ANKFN1: variants seen among roughly 807,000 people sequenced by gnomAD.
ANKFN1 encodes the protein ankyrin repeat and fibronectin type III domain containing 1.
ANKFN1 carries 74 observed loss-of-function variants against 108.7 expected under a neutral mutation model. The ratio of observed to expected loss-of-function variants is 0.68; its 90% confidence interval spans 0.56 to 0.83. ANKFN1 has a LOEUF of 0.83. ANKFN1 is among the 40% of genes least tolerant of loss of function. The probability of loss-of-function intolerance (pLI) is 0.00; values close to 1 mark genes in which losing one functional copy is unlikely to be tolerated. For synonymous variants in ANKFN1, 547 were observed against 516.2 expected, an observed-to-expected ratio of 1.06 and a Z score of -0.81; for missense variants, 1,505 against 1,382.3, an observed-to-expected ratio of 1.09 and a Z score of -1.41.
chr17:56,255,256 G>A (rs572611974), intron 3 of ANKFN1, among the ~76,000 whole-genome samples: 7 of 152,330 alleles, frequency 4.6e-5, no homozygotes, highest in African/African-American at 9.6e-5. Context: ...ATACTGGAGG[G>A]AAGATTGGTG....
chr17:56,094,147 G>A (rs1905471621), intron 4 of ANKFN1, among the ~76,000 whole-genome samples: 3 of 150,964 alleles, frequency 2.0e-5, no homozygotes, highest in Admixed American at 2.0e-4. Flanking sequence ...GACAGGAGAG[G>A]GGCATGGAAC....
At chr17:56,409,330 T>C (rs144554575) in intron 8 of ANKFN1, among the ~76,000 whole-genome samples, 84 of 152,336 alleles carry the variant, frequency 5.5e-4, no homozygotes, top group African/African-American at 1.7e-3. Flanking sequence ...TGGGACTGTT[T>C]GCACTTACAG....
At chr17:56,386,732 A>G (rs2047286862) in intron 8 of ANKFN1, among the ~76,000 whole-genome samples, 1 of 151,848 alleles carries the variant, frequency 6.6e-6, no homozygotes, top group Non-Finnish European at 1.5e-5. Context: ...GAGAGTTTCT[A>G]TCTGTCTCTC....
intron 16 of ANKFN1, among the ~76,000 whole-genome samples, chr17:56,479,363 A>C (rs114381012): frequency 6.6e-6 from 1 of 152,212 alleles, no homozygotes; most frequent in African/African-American, 2.4e-5. Flanking sequence ...TTATGCGTGC[A>C]TATGCTAGTC....
At chr17:56,080,512 T>C (rs952627657) in intron 4 of ANKFN1, among the ~76,000 whole-genome samples, 6 of 152,228 alleles carry the variant, frequency 3.9e-5, no homozygotes, top group Admixed American at 6.5e-5. Context: ...AGATAATCGT[T>C]GAGTGGCACA....
chr17:56,086,152 G>A (rs4556851), intron 4 of ANKFN1, among the ~76,000 whole-genome samples: 10,785 of 150,986 alleles, frequency 0.071, 1,487 homozygotes, highest in African/African-American at 0.25. Flanking sequence ...CACACCTGTA[G>A]TCCTAGCACT....
chr17:56,280,008 CTTTTTTT>C (rs3086033), intron 3 of ANKFN1, among the ~76,000 whole-genome samples: 1 of 134,860 alleles, frequency 7.4e-6, no homozygotes, highest in Non-Finnish European at 1.6e-5. Context: ...CACATAATGT[CTTTTTTT>C]TTTTTTTTTC....
chr17:56,149,021 G>C (rs189581366), upstream of ANKFN1, among the ~76,000 whole-genome samples: 1 of 152,272 alleles, frequency 6.6e-6, no homozygotes, highest in African/African-American at 2.4e-5. Context: ...GTCACACGGG[G>C]AGCAAATGGC....
intron 14 of ANKFN1, among the ~76,000 whole-genome samples, chr17:56,465,639 G>T (rs1255323273): frequency 3.9e-5 from 6 of 152,138 alleles, no homozygotes; most frequent in Non-Finnish European, 7.4e-5. Context: ...TTCAAACCCT[G>T]CATATTTGTA....
intron 3 of ANKFN1, among the ~76,000 whole-genome samples, chr17:56,295,540 C>G (rs115998174): frequency 5.3e-5 from 8 of 152,102 alleles, no homozygotes; most frequent in Non-Finnish European, 1.2e-4. Flanking sequence ...CACACTGATA[C>G]ATGAAAACCA....
intron 1 of ANKFN1, among the ~76,000 whole-genome samples, chr17:56,204,839 G>T (rs1414004790): frequency 6.6e-6 from 1 of 152,052 alleles, no homozygotes; most frequent in African/African-American, 2.4e-5. Flanking sequence ...ACTTTGTGAG[G>T]CCGAGGTGGG....
intron 4 of ANKFN1, among the ~76,000 whole-genome samples, chr17:56,057,643 G>A (rs1243787459): frequency 3.9e-5 from 6 of 152,118 alleles, no homozygotes; most frequent in Middle Eastern, 3.4e-3. Flanking sequence ...AAAATTAGCC[G>A]GGTCTCATGC....
rs891523605 is a variant in ANKFN1 at position 56,290,886 on chromosome 17, C to T, written c.54-35335C>T. On this transcript the variant is annotated intron_variant, in intron 3 of 20. Transcript: ENST00000682825. ...TTTCCTCCCCTCCTCTGAAAATTAA[C>T]GACATGAAGACAAGCTTTCATGAGC... is the stretch of plus-strand genomic sequence containing the variant. Among the ~76,000 whole-genome samples, 14 of 152,138 alleles carry T rather than the reference C, an allele frequency of 9.2e-5. No homozygotes were observed. The Middle Eastern group carries it at 0.01, about 111-fold the overall frequency.
intron 3 of ANKFN1, among the ~76,000 whole-genome samples, chr17:56,276,198 T>C (rs934409057): frequency 3.9e-5 from 6 of 152,212 alleles, no homozygotes; most frequent in African/African-American, 1.2e-4. Context: ...CATGAGCTCA[T>C]GGAATACTGC....
intron 14 of ANKFN1, 91 bp downstream of exon 14, chr17:56,458,070 T>C: frequency 9.5e-7 from 1 of 1,057,526 alleles, no homozygotes; most frequent in Admixed American, 2.1e-5. Context: ...AGGAAAAGGA[T>C]GGGCTCCCTT....
intron 6 of ANKFN1, among the ~76,000 whole-genome samples, chr17:56,371,842 T>G (rs1224004916): frequency 6.6e-6 from 1 of 152,152 alleles, no homozygotes; most frequent in African/African-American, 2.4e-5. Context: ...GGCTAAACAA[T>G]CTGATGTAAA....
intron 8 of ANKFN1, among the ~76,000 whole-genome samples, chr17:56,401,393 G>C (rs78669528): frequency 2.2e-5 from 3 of 139,002 alleles, no homozygotes; most frequent in Non-Finnish European, 3.2e-5. Context: ...GTTGTGTTGT[G>C]TTGTGTTGTG....
In ANKFN1 at chr17:56,466,389, T is replaced by C; in HGVS notation, c.1591T>C (p.Tyr531His). ...LLGTHNLGRV[Y>H]YEPIKDRHGN... The stretch of plus-strand genomic sequence containing the variant: ...TGGGACACACAACTTGGGAAGAGTT[T>C]ACTATGAGCCCATTAAAGATCGACA... The change falls in exon 15 of 21, where the codon TAC (tyrosine) becomes CAC (histidine). Residue 531 changes from tyrosine (Y) to histidine (H), a missense_variant. Coordinates refer to ENST00000682825, the MANE Select transcript of ANKFN1 (RefSeq NM_001370326.1). The C allele has an allele frequency of 6.2e-7, 1 of 1,614,192 alleles. No homozygotes were observed.
intron 4 of ANKFN1, 38 bp from the exon 5 acceptor site, chr17:56,350,728 G>A (rs2046223999): frequency 6.5e-7 from 1 of 1,547,796 alleles, no homozygotes; most frequent in Non-Finnish European, 8.9e-7. Context: ...TATAATTTGT[G>A]GTGTAAAAGA....
Sources: allele counts gnomAD v4.1 joint callset (sites outside exome capture counted in the v4.1 genomes callset), GRCh38; gene constraint gnomAD v4.1.1; transcripts MANE v1.5; gene names NCBI Gene and HGNC (gene_info 2026-07-23, HGNC 2026-07-21).